The following CEP20 variants were observed in gnomAD, a reference collection of about 807,000 sequenced individuals.
CEP20 encodes the protein FGFR1OP N-terminal like.
Under a neutral mutation model 20.0 loss-of-function variants are expected in CEP20, and 18 were observed. That is an observed-to-expected ratio of 0.90 (90% CI 0.62 to 1.34). The LOEUF is 1.34. Ranked by LOEUF, CEP20 falls within the 40% of genes most tolerant of loss-of-function variation. CEP20 has a pLI of 0.00. For synonymous variants in CEP20, 77 were observed against 73.7 expected, an observed-to-expected ratio of 1.04 and a Z score of -0.23; for missense variants, 215 against 201.6, an observed-to-expected ratio of 1.07 and a Z score of -0.40.
At position 15,867,319 on chromosome 16, in the gene CEP20, T is replaced by C; in HGVS notation, c.*121A>G. On this transcript the variant is annotated 3_prime_UTR_variant, in exon 5 of 5. Coordinates refer to ENST00000255759, the MANE Select transcript of CEP20 (RefSeq NM_144600.4). ...CACAAATGTAGTTAAACATGAGGGGTGTTTTGTAGAAACTCCAATTTCTAC... is the reference window on the plus strand; with the variant it reads ...CACAAATGTAGTTAAACATGAGGGGCGTTTTGTAGAAACTCCAATTTCTAC... The C allele has an allele frequency of 1.8e-6, 1 of 570,442 alleles. No homozygotes were observed. 35.3% of individuals were successfully genotyped at this position (570,442 alleles called of 1,614,324 possible).
chr16:15,873,339 T>C, intron 4 of CEP20, 152 bp downstream of exon 4: 1 of 878,540 alleles, frequency 1.1e-6, no homozygotes, highest in Non-Finnish European at 1.6e-6. Flanking sequence ...ACAAAAAGCA[T>C]TCTGTTTCTT....
intron 4 of CEP20, among the ~76,000 whole-genome samples, chr16:15,869,857 G>C (rs1176844908): frequency 6.6e-6 from 1 of 152,200 alleles, no homozygotes; most frequent in African/African-American, 2.4e-5. Context: ...ACTACACAAA[G>C]AGGTTGTGTC....
At chr16:15,881,530 C>T (rs946954448) in intron 2 of CEP20, among the ~76,000 whole-genome samples, 5 of 152,152 alleles carry the variant, frequency 3.3e-5, no homozygotes, top group East Asian at 1.9e-4. Flanking sequence ...TTCTCTCTTG[C>T]AAAATCTACT....
At chr16:15,876,437 T>C (rs1311010640) in intron 3 of CEP20, among the ~76,000 whole-genome samples, 2 of 151,220 alleles carry the variant, frequency 1.3e-5, no homozygotes, top group African/African-American at 4.9e-5. Context: ...ATCACGCCAC[T>C]GCACTCCAGC....
chr16:15,868,266 T>A (rs1432504281), intron 4 of CEP20, among the ~76,000 whole-genome samples: 1 of 151,556 alleles, frequency 6.6e-6, no homozygotes, highest in African/African-American at 2.4e-5. Context: ...CTACTAAAAA[T>A]ATAAAAATTA....
At chr16:15,878,040 C>A (rs773339967) in intron 3 of CEP20, among the ~76,000 whole-genome samples, 1 of 149,706 alleles carries the variant, frequency 6.7e-6, no homozygotes, top group Non-Finnish European at 1.5e-5. Flanking sequence ...GGCGACAGAG[C>A]GAGACCCTAT....
intron 4 of CEP20, among the ~76,000 whole-genome samples, chr16:15,869,217 C>A (rs991978311): frequency 1.3e-5 from 2 of 151,560 alleles, no homozygotes. Flanking sequence ...GGTGTGCCTA[C>A]ATAAACCCTC....
At chr16:15,876,650 A>G (rs1478061605) in intron 3 of CEP20, among the ~76,000 whole-genome samples, 2 of 152,114 alleles carry the variant, frequency 1.3e-5, no homozygotes, top group Non-Finnish European at 2.9e-5. Flanking sequence ...ATTTTCAAAC[A>G]TGTATCTGGC....
intron 4 of CEP20, among the ~76,000 whole-genome samples, chr16:15,871,034 G>C (rs540727314): frequency 3.2e-4 from 49 of 152,184 alleles, no homozygotes; most frequent in African/African-American, 1.1e-3. Flanking sequence ...AGGCCAAGGG[G>C]GGTGGATTGC....
chr16:15,867,487 T>A lies in CEP20; in HGVS notation c.478A>T (p.Ser160Cys). The change falls in exon 5 of 5, where the codon AGT becomes TGT. Residue 160 changes from serine to cysteine, a missense_variant. Physicochemically the swap from Ser to Cys is moderately radical, Grantham distance 112. Coordinates refer to ENST00000255759, the MANE Select transcript of CEP20 (RefSeq NM_144600.4). ...ACATGAAGATCTTCAATGTTAGTACTTTTCTGTTCCTCCTTTCTTAGGTGG... is the reference window on the plus strand; with the variant it reads ...ACATGAAGATCTTCAATGTTAGTACATTTCTGTTCCTCCTTTCTTAGGTGG... ...DDHLRKEEQKSTNIEDLHVSQ... is the reference protein window; with the variant it reads ...DDHLRKEEQKCTNIEDLHVSQ... The A allele has an allele frequency of 6.2e-7, 1 of 1,605,108 alleles. No individual in the cohort carries two copies. Among genetic ancestry groups the A allele is most frequent in the Non-Finnish European group, 8.5e-7 (1 of 1,174,272 alleles).
chr16:15,885,287 G>A (rs527284460), intron 1 of CEP20, among the ~76,000 whole-genome samples: 2 of 151,236 alleles, frequency 1.3e-5, no homozygotes, highest in South Asian at 4.2e-4. Flanking sequence ...TAGCCTGGGC[G>A]AAAGAGTGAG....
Position 15,866,322 on chromosome 16 carries a change from C to T in CEP20, c.*1118G>A, listed in dbSNP as rs1478276512. On this transcript the variant is annotated 3_prime_UTR_variant, in exon 5 of 5. Transcript: ENST00000255759. ...TTTGCTAACTACAGCTCTTACCACTCTTCTCCATGGAAAACCTTTAAGCTA... is the reference window on the plus strand; with the variant it reads ...TTTGCTAACTACAGCTCTTACCACTTTTCTCCATGGAAAACCTTTAAGCTA... 1 of 152,198 alleles carries T rather than the reference C, an allele frequency of 6.6e-6. No homozygotes were observed. The highest frequency in any genetic ancestry group is 1.5e-5 in the Non-Finnish European group (1 of 68,036). The allele number at this position is 152,198 out of a possible 1,614,324, so 9.4% of individuals were successfully genotyped here.
chr16:15,877,820 G>A (rs2044992325), intron 3 of CEP20, among the ~76,000 whole-genome samples: 1 of 150,512 alleles, frequency 6.6e-6, no homozygotes. Flanking sequence ...TTTGGGAGGT[G>A]GAGGTGGGCA....
chr16:15,882,770 T>TACACACACACACACACA (rs1218534204), intron 2 of CEP20, among the ~76,000 whole-genome samples: 47 of 78,968 alleles, frequency 6.0e-4, no homozygotes, highest in East Asian at 3.2e-3. Flanking sequence ...TATCTATCTA[T>TACACACACACACACACA]CTATCTATCT....
rs370796448 is a variant in CEP20 at position 15,868,970 on chromosome 16, A to C, written c.449-1454T>G. On this transcript the variant is annotated intron_variant, in intron 4 of 4. Coordinates refer to ENST00000255759, the MANE Select transcript of CEP20 (RefSeq NM_144600.4). ...GTAGTCCCAGCTACTTGGGAGGCTG[A>C]GGTGGGAGGATCACCTGGGCCTGTG... Among the ~76,000 whole-genome samples the C allele has an allele frequency of 1.5e-4, 23 of 151,968 alleles. No individual in the cohort carries two copies. In the East Asian group the frequency reaches 4.3e-3, roughly 28 times the overall value.
intron 1 of CEP20, 120 bp downstream of exon 1, chr16:15,888,438 C>G: frequency 7.4e-7 from 1 of 1,352,550 alleles, no homozygotes; most frequent in Non-Finnish European, 1.0e-6. Context: ...GCCCTCACAC[C>G]GAAGAATGAC....
At chr16:15,883,891 TCCCAG>T in intron 2 of CEP20, 112 bp downstream of exon 2, 1 of 779,296 alleles carries the variant, frequency 1.3e-6, no homozygotes, top group Non-Finnish European at 2.0e-6. Flanking sequence ...GATTTTTGTG[TCCCAG>T]TCACCCAGAT....
chr16:15,877,585 G>A (rs2044985429), intron 3 of CEP20, among the ~76,000 whole-genome samples: 1 of 152,124 alleles, frequency 6.6e-6, no homozygotes, highest in Non-Finnish European at 1.5e-5. Context: ...TGGCTAACAT[G>A]GTAAAACACC....
chr16:15,881,845 G>T (rs545972948), intron 2 of CEP20, among the ~76,000 whole-genome samples: 29 of 152,082 alleles, frequency 1.9e-4, no homozygotes, highest in South Asian at 4.1e-4. Flanking sequence ...CAGATAAAGG[G>T]AATTTATCTT....
Sources: gnomAD v4.1 joint callset for allele counts (sites outside exome capture counted in the v4.1 genomes callset) on GRCh38, gnomAD v4.1.1 for gene constraint, MANE v1.5 for transcripts, NCBI Gene and HGNC (gene_info 2026-07-23, HGNC 2026-07-21) for gene names.